Variants in MAP4K3 observed in about 807,000 individuals in gnomAD.
MAP4K3 encodes the protein MAPK/ERK kinase kinase kinase 3.
A neutral mutation model predicts 143.5 loss-of-function variants in MAP4K3; 94 were observed. The ratio of observed to expected loss-of-function variants is 0.65; its 90% confidence interval spans 0.55 to 0.78. The LOEUF (loss-of-function observed/expected upper bound fraction) is 0.78, where lower values mean the gene tolerates loss of function less well. Ranked by LOEUF, MAP4K3 falls within the 30% of genes least tolerant of loss-of-function variation. The pLI is 0.00. For synonymous variants in MAP4K3, 416 were observed against 347.2 expected (o/e 1.20, Z -2.20); for missense variants, 1,077 against 1,068.1 (o/e 1.01, Z -0.12).
chr2:39,277,220 T>C (rs570495096), intron 24 of MAP4K3, among the ~76,000 whole-genome samples: 4 of 152,336 alleles, frequency 2.6e-5, no homozygotes, highest in Non-Finnish European at 4.4e-5. Context: ...GCTCCATCTA[T>C]TGTTACCATT....
intron 1 of MAP4K3, among the ~76,000 whole-genome samples, chr2:39,397,050 C>A (rs1047547865): frequency 3.9e-5 from 6 of 152,136 alleles, no homozygotes; most frequent in Non-Finnish European, 8.8e-5. Context: ...CAATAAATGA[C>A]AACTTTTCAT....
chr2:39,342,591 T>C (rs1665175265), intron 4 of MAP4K3, among the ~76,000 whole-genome samples: 1 of 152,234 alleles, frequency 6.6e-6, no homozygotes, highest in South Asian at 2.1e-4. Flanking sequence ...TCAATCTTTA[T>C]GTTAAGTAAA....
chr2:39,335,256 T>C (rs1683830311), intron 6 of MAP4K3, among the ~76,000 whole-genome samples: 1 of 152,070 alleles, frequency 6.6e-6, no homozygotes, highest in Non-Finnish European at 1.5e-5. Flanking sequence ...TAAGATATGG[T>C]TGAAAAGGTC....
At chr2:39,427,199 T>C (rs1259726063) in intron 1 of MAP4K3, among the ~76,000 whole-genome samples, 1 of 152,040 alleles carries the variant, frequency 6.6e-6, no homozygotes, top group African/African-American at 2.4e-5. Context: ...AAACAACCGT[T>C]AATTTAGAGT....
At chr2:39,344,342 T>C (rs938225706) in intron 3 of MAP4K3, among the ~76,000 whole-genome samples, 2 of 152,232 alleles carry the variant, frequency 1.3e-5, no homozygotes, top group African/African-American at 2.4e-5. Context: ...ATGAATCGTT[T>C]TCCTATTTTA....
intron 8 of MAP4K3, among the ~76,000 whole-genome samples, chr2:39,331,249 C>G (rs1352463720): frequency 6.6e-6 from 1 of 152,116 alleles, no homozygotes; most frequent in Non-Finnish European, 1.5e-5. Context: ...ACAAAAAAAG[C>G]TCTATACCAA....
intron 31 of MAP4K3, among the ~76,000 whole-genome samples, chr2:39,255,274 A>C (rs970502151): frequency 6.6e-6 from 1 of 152,346 alleles, no homozygotes; most frequent in Admixed American, 6.5e-5. Context: ...TACATGTACA[A>C]ATCTTTCTTG....
chr2:39,291,872 C>T (rs566791948), intron 18 of MAP4K3, among the ~76,000 whole-genome samples: 9 of 152,196 alleles, frequency 5.9e-5, no homozygotes, highest in Admixed American at 3.9e-4. Flanking sequence ...AAGCAAGACC[C>T]TTTCTCAAAA....
chr2:39,274,915 T>A (rs1162036717), intron 24 of MAP4K3, among the ~76,000 whole-genome samples: 3 of 152,218 alleles, frequency 2.0e-5, no homozygotes, highest in African/African-American at 7.2e-5. Context: ...TTCTCACTTT[T>A]CAGAATCTTC....
At chr2:39,295,454 TA>T (rs1402050776) in intron 16 of MAP4K3, among the ~76,000 whole-genome samples, 28 of 152,064 alleles carry the variant, frequency 1.8e-4, no homozygotes, top group Non-Finnish European at 1.8e-4. Context: ...TCAATAATTT[TA>T]AACACTGTAA....
chr2:39,402,893 T>C (rs1001164213), intron 1 of MAP4K3, among the ~76,000 whole-genome samples: 1 of 151,504 alleles, frequency 6.6e-6, no homozygotes, highest in Non-Finnish European at 1.5e-5. Context: ...TGTACACATA[T>C]TAAAAGGATA....
At chr2:39,347,175 A>T (rs1665317164) in intron 3 of MAP4K3, among the ~76,000 whole-genome samples, 1 of 152,230 alleles carries the variant, frequency 6.6e-6, no homozygotes, top group Admixed American at 6.5e-5. Context: ...CTACTGGAAT[A>T]CGAGCTTATG....
At chr2:39,337,240 A>G (rs1664994607) in intron 5 of MAP4K3, among the ~76,000 whole-genome samples, 1 of 152,196 alleles carries the variant, frequency 6.6e-6, no homozygotes, top group Admixed American at 6.5e-5. Context: ...TTGAATTCCC[A>G]TGATAGTGCT....
At chr2:39,298,627 T>G (rs766247148) in intron 16 of MAP4K3, among the ~76,000 whole-genome samples, 2 of 152,144 alleles carry the variant, frequency 1.3e-5, no homozygotes, top group Non-Finnish European at 2.9e-5. Context: ...ACTTAAAATA[T>G]GGGAATATAT....
intron 1 of MAP4K3, among the ~76,000 whole-genome samples, chr2:39,428,783 C>A (rs1213995737): frequency 6.6e-6 from 1 of 151,666 alleles, no homozygotes; most frequent in African/African-American, 2.4e-5. Flanking sequence ...TAAAAGGAGT[C>A]CATGGGCCGG....
chr2:39,318,471 T>C (rs745320225), intron 12 of MAP4K3, among the ~76,000 whole-genome samples: 2 of 152,142 alleles, frequency 1.3e-5, no homozygotes, highest in Non-Finnish European at 2.9e-5. Flanking sequence ...AAAATTAAAA[T>C]GTAGCCTTTA....
In MAP4K3 at chr2:39,432,909, A is replaced by G. The variant is rs546276403; in HGVS notation, c.96+3983T>C. Reference sequence around the variant, plus strand: ...CAGAGGGAATGGCTTCCAAACACACAAAGGTGAAAAAAAATCAATATCAAC... The same window carrying G: ...CAGAGGGAATGGCTTCCAAACACACGAAGGTGAAAAAAAATCAATATCAAC... On this transcript the variant is annotated intron_variant, in intron 1 of 33. Transcript: ENST00000263881. 4.6e-5 allele frequency among the ~76,000 whole-genome samples: 7 copies of G among 152,310 alleles called. No individual in the cohort carries two copies. In the East Asian group the frequency reaches 1.3e-3, roughly 29 times the overall value.
intron 1 of MAP4K3, among the ~76,000 whole-genome samples, chr2:39,400,856 A>G (rs1666935704): frequency 6.6e-6 from 1 of 152,188 alleles, no homozygotes; most frequent in South Asian, 2.1e-4. Flanking sequence ...CCTTTCACCT[A>G]AAAGAAAAGC....
chr2:39,309,603 G>T, intron 13 of MAP4K3, 84 bp from the exon 14 acceptor site: 1 of 695,122 alleles, frequency 1.4e-6, no homozygotes, highest in Non-Finnish European at 2.1e-6. Flanking sequence ...TGTCTCCCAC[G>T]CTGGAGTGCA....
Sources: gnomAD v4.1 joint callset for allele counts (sites outside exome capture counted in the v4.1 genomes callset) on GRCh38, gnomAD v4.1.1 for gene constraint, MANE v1.5 for transcripts, NCBI Gene and HGNC (gene_info 2026-07-23, HGNC 2026-07-21) for gene names.